IFNAR2: variants seen among roughly 807,000 people sequenced by gnomAD.
IFNAR2 encodes interferon alpha and beta receptor subunit 2.
Under a neutral mutation model 49.4 loss-of-function variants are expected in IFNAR2, and 30 were observed. The observed-to-expected ratio is 0.61, with a 90% CI of 0.45 to 0.82. The LOEUF (loss-of-function observed/expected upper bound fraction) is 0.82. IFNAR2 is among the 40% of genes least tolerant of loss of function. The probability of loss-of-function intolerance (pLI) is 0.00; values close to 1 mark genes in which losing one functional copy is unlikely to be tolerated. For synonymous variants in IFNAR2, 224 were observed against 234.5 expected (o/e 0.96, Z 0.41); for missense variants, 600 against 622.7 (o/e 0.96, Z 0.39).
chr21:33,232,565 T>A (rs1361139103), intron 1 of IFNAR2, among the ~76,000 whole-genome samples: 1 of 151,784 alleles, frequency 6.6e-6, no homozygotes, highest in African/African-American at 2.4e-5. Context: ...AAAAAAAAAT[T>A]TAAAATTTAA....
rs1182507309 is a variant in IFNAR2, at chr21:33,242,728, C to CAAAAAAAAAAA, written c.55+761_55+771dup. ...AGCCTGACAGAGCAAGACTCTGTCT[C>CAAAAAAAAAAA]AAAAAAAAAAAAAAAAAAAATCTCG... On this transcript the variant is annotated intron_variant, in intron 2 of 8. Transcript: ENST00000342136. 2.3e-4 allele frequency among the ~76,000 whole-genome samples: 11 copies of CAAAAAAAAAAA among 48,576 alleles called. 1 individual carries two copies. The highest frequency in any genetic ancestry group is 8.2e-4 in the African/African-American group (9 of 11,016). 31.9% of individuals were successfully genotyped at this position (48,576 alleles called of 152,430 possible). A position where few individuals can be genotyped will look rare whatever the true frequency, so the allele number is the denominator to read the frequency against.
rs1328971612 is a variant in IFNAR2, at chr21:33,264,704, T to A, written c.*1204T>A. ...GGGGGTGTGGGCGGGGGAAGGGAAG[T>A]CTGGCCCGGAGCAATTGCTCCTGCC... On this transcript the variant is annotated 3_prime_UTR_variant, in exon 9 of 9. Transcript: ENST00000342136. 1 of 151,974 alleles carries A rather than the reference T, an allele frequency of 6.6e-6. No individual in the cohort carries two copies. Among genetic ancestry groups the A allele is most frequent in the Admixed American group, 6.6e-5 (1 of 15,234 alleles). 9.4% of individuals were successfully genotyped at this position (151,974 alleles called of 1,614,324 possible). A position where few individuals can be genotyped will look rare whatever the true frequency, so the allele number is the denominator to read the frequency against.
In IFNAR2 at chr21:33,230,185, C is replaced by G; in HGVS notation, c.-115C>G. ...CGCGGCTGGGGCCCGAGGCTAGCAT[C>G]TCTCGGGAGCCGCAAGGCGAGAGCT... On this transcript the variant is annotated 5_prime_UTR_variant, in exon 1 of 9. In the 5' UTR this introduces an upstream ATG that the reference lacks. Transcript: ENST00000342136. The surrounding 1 kb of genome is among the most constrained non-coding windows in gnomAD (Gnocchi z 5.5). 3 of 1,018,240 alleles carry G rather than the reference C, an allele frequency of 2.9e-6. No individual in the cohort carries two copies. Among genetic ancestry groups the G allele is most frequent in the South Asian group, 3.2e-5 (1 of 31,136 alleles). 63.1% of individuals were successfully genotyped at this position (1,018,240 alleles called of 1,614,324 possible).
At chr21:33,242,023 T>C (rs1329374934) in intron 2 of IFNAR2, 46 bp downstream of exon 2, 3 of 1,586,330 alleles carry the variant, frequency 1.9e-6, no homozygotes, top group Non-Finnish European at 2.6e-6. Context: ...CAAGCTGTGA[T>C]GCCATCCTCA....
chr21:33,236,916 GTT>G, intron 1 of IFNAR2: 1 of 980,562 alleles, frequency 1.0e-6, no homozygotes, highest in Non-Finnish European at 1.2e-6. Flanking sequence ...GTCAGCAAGA[GTT>G]TTAAGGAGCT....
At position 33,245,008 on chromosome 21, in the gene IFNAR2, TATC is replaced by T. The variant is rs1468003457; in HGVS notation, c.158_160del (p.Ser53del). On this transcript the variant is annotated inframe_deletion, in exon 4 of 9. Coordinates refer to ENST00000342136, the MANE Select transcript of IFNAR2 (RefSeq NM_001289125.3). ...TCATTGCGAAATTTCCGGTCCATCT[TATC>T]ATGGGAATTAAAAAACCACTCCATT... The T allele has an allele frequency of 3.7e-6, 6 of 1,610,594 alleles. No homozygotes were observed. Among genetic ancestry groups the T allele is most frequent in the African/African-American group, 1.3e-5 (1 of 74,980 alleles).
In IFNAR2 at chr21:33,248,941, T is replaced by A. The variant is rs17860215; in HGVS notation, c.540+87T>A. 2.6e-3 allele frequency: 2,563 copies of A among 994,456 alleles called. 46 individuals carry two copies. In the African/African-American group the frequency reaches 0.039, roughly 15 times the overall value. 61.6% of individuals were successfully genotyped at this position (994,456 alleles called of 1,614,324 possible). On this transcript the variant is annotated intron_variant, in intron 6 of 8. Coordinates refer to ENST00000342136, the MANE Select transcript of IFNAR2 (RefSeq NM_001289125.3). Reference sequence around the variant, plus strand: ...GTCTCTTTTGAAAGGAAATTTGCAGTTGAACAATTAAAGCTAAAACGTCAG... The same window carrying A: ...GTCTCTTTTGAAAGGAAATTTGCAGATGAACAATTAAAGCTAAAACGTCAG...
chr21:33,253,766 G>T (rs1370272601), intron 7 of IFNAR2, among the ~76,000 whole-genome samples: 1 of 152,180 alleles, frequency 6.6e-6, no homozygotes, highest in Non-Finnish European at 1.5e-5. Flanking sequence ...ACCATGTAGG[G>T]TAACTTCCTC....
At chr21:33,255,727 C>CTCAG (rs2030478721) in intron 7 of IFNAR2, among the ~76,000 whole-genome samples, 1 of 152,184 alleles carries the variant, frequency 6.6e-6, no homozygotes, top group Admixed American at 6.5e-5. Flanking sequence ...CAGGATTGAA[C>CTCAG]TCAGTCTCCA....
intron 1 of IFNAR2, among the ~76,000 whole-genome samples, chr21:33,235,860 A>G (rs1986410347): frequency 6.6e-6 from 1 of 152,158 alleles, no homozygotes; most frequent in Non-Finnish European, 1.5e-5. Flanking sequence ...CGGAAGGCGG[A>G]GCTTGCAGTG....
At chr21:33,256,089 G>T in intron 7 of IFNAR2, among the ~76,000 whole-genome samples, 1 of 152,150 alleles carries the variant, frequency 6.6e-6, no homozygotes, top group Non-Finnish European at 1.5e-5. Flanking sequence ...GTGGTTTATT[G>T]AAACTCAGTC....
chr21:33,247,681 A>G (rs1247078957), intron 5 of IFNAR2, among the ~76,000 whole-genome samples: 1 of 152,062 alleles, frequency 6.6e-6, no homozygotes, highest in Admixed American at 6.5e-5. Context: ...GAACAGGCCT[A>G]CCCCTTCTTT....
At chr21:33,252,314 A>G (rs1443696252) in intron 6 of IFNAR2, 1 of 546,276 alleles carries the variant, frequency 1.8e-6, no homozygotes, top group African/African-American at 2.0e-5. Flanking sequence ...GCACTTTCTC[A>G]AGTGTAAAGT....
rs1037857263 is a variant in IFNAR2 at position 33,263,617 on chromosome 21, T to A, written c.*117T>A. 4 of 959,682 alleles carry A rather than the reference T, an allele frequency of 4.2e-6. No individual in the cohort carries two copies. The African/African-American group carries it at 6.6e-5, about 16-fold the overall frequency. The allele number at this position is 959,682 out of a possible 1,614,324, so 59.4% of individuals were successfully genotyped here. On this transcript the variant is annotated 3_prime_UTR_variant, in exon 9 of 9. Transcript: ENST00000342136. ...TTCTCCAAGGGAAGGAGGAGGAAAC[T>A]GTGGTGTTCCTTTCTTCCAGGTGAC...
At chr21:33,253,682 G>C (rs1258467180) in intron 7 of IFNAR2, among the ~76,000 whole-genome samples, 2 of 152,196 alleles carry the variant, frequency 1.3e-5, no homozygotes, top group African/African-American at 2.4e-5. Context: ...AGGGCTGCTG[G>C]TTGCCCATTT....
chr21:33,262,788 T>TAA lies in IFNAR2; in HGVS notation c.841-5_841-4insAA. On this transcript the variant is annotated splice_polypyrimidine_tract_variant and splice_region_variant and intron_variant, in intron 8 of 8. Coordinates refer to ENST00000342136, the MANE Select transcript of IFNAR2 (RefSeq NM_001289125.3). ...ACTCTCTCTCTCTTTTTTTTTTTTTTTAAGAATTTTCATAACTTTTTAGCC... is the reference window on the plus strand; with the variant it reads ...ACTCTCTCTCTCTTTTTTTTTTTTTTAATAAGAATTTTCATAACTTTTTAGCC... 1 of 1,579,546 alleles carries TAA rather than the reference T, an allele frequency of 6.3e-7. No homozygotes were observed. Among genetic ancestry groups the TAA allele is most frequent in the African/African-American group, 1.4e-5 (1 of 72,858 alleles).
rs1323387804 is a variant in IFNAR2, at chr21:33,252,825, AATCAGGT to A, written c.707_709+4del. The stretch of plus-strand genomic sequence containing the variant: ...TGCACCCTCCTTCCACCTGGCCAGG[AATCAGGT>A]ATGTTCATTTTTTTAAATTCATGTT... On this transcript the variant is annotated splice_donor_variant and coding_sequence_variant, in exon 7 of 9. Transcript: ENST00000342136. LOFTEE classifies it high-confidence loss of function. 1 of 1,612,264 alleles carries A rather than the reference AATCAGGT, an allele frequency of 6.2e-7. No homozygotes were observed. Among genetic ancestry groups the A allele is most frequent in the East Asian group, 2.2e-5 (1 of 44,860 alleles).
intron 5 of IFNAR2, among the ~76,000 whole-genome samples, chr21:33,247,495 C>A (rs924124865): frequency 2.0e-5 from 3 of 152,026 alleles, no homozygotes; most frequent in Non-Finnish European, 4.4e-5. Context: ...AGTGATCCAC[C>A]CGCCTCAGCC....
chr21:33,234,760 G>A lies in IFNAR2; in HGVS notation c.-84+4544G>A, dbSNP rs947540624. On this transcript the variant is annotated intron_variant, in intron 1 of 8. Coordinates refer to ENST00000342136, the MANE Select transcript of IFNAR2 (RefSeq NM_001289125.3). ...CACAGGGTGAACCTGTGACAAAATT[G>A]GGGTTCAGCCTGGGAAGCCACATGA... 3.0e-6 allele frequency: 3 copies of A among 985,052 alleles called. No homozygotes were observed. In the African/African-American group the frequency reaches 5.2e-5, roughly 17 times the overall value. The allele number at this position is 985,052 out of a possible 1,614,324, so 61.0% of individuals were successfully genotyped here.
Sources: gnomAD v4.1 joint callset for allele counts (sites outside exome capture counted in the v4.1 genomes callset) on GRCh38, gnomAD v4.1.1 for gene constraint, Gnocchi (gnomAD v3.1) non-coding constraint, MANE v1.5 for transcripts, NCBI Gene and HGNC (gene_info 2026-07-23, HGNC 2026-07-21) for gene names.